The following PTPRR variants were observed in gnomAD, a reference collection of about 807,000 sequenced individuals.
PTPRR encodes the protein protein tyrosine phosphatase receptor type R.
Under a neutral mutation model 77.2 loss-of-function variants are expected in PTPRR, and 38 were observed. The observed-to-expected ratio is 0.49, with a 90% CI of 0.38 to 0.65. PTPRR has a LOEUF of 0.65. Ranked by LOEUF, PTPRR falls within the 30% of genes least tolerant of loss-of-function variation. PTPRR has a pLI of 0.00. For synonymous variants in PTPRR, 299 were observed against 283.1 expected, an observed-to-expected ratio of 1.06 and a Z score of -0.57; for missense variants, 744 against 799.2, an observed-to-expected ratio of 0.93 and a Z score of 0.83.
At chr12:70,727,180 G>T (rs1426128762) in intron 6 of PTPRR, among the ~76,000 whole-genome samples, 8 of 151,862 alleles carry the variant, frequency 5.3e-5, no homozygotes, top group African/African-American at 1.9e-4. Flanking sequence ...TGTCATGGAA[G>T]GATCCTAATT....
chr12:70,657,008 G>C (rs1886609587), intron 12 of PTPRR, among the ~76,000 whole-genome samples, 191 bp from the exon 13 acceptor site: 1 of 151,184 alleles, frequency 6.6e-6, no homozygotes, highest in Non-Finnish European at 1.5e-5. Flanking sequence ...AGTAGGATGA[G>C]AGGGGTGGGG....
chr12:70,856,535 A>T (rs954987143), intron 2 of PTPRR, among the ~76,000 whole-genome samples: 3 of 152,168 alleles, frequency 2.0e-5, no homozygotes, highest in African/African-American at 7.2e-5. Context: ...GGACACAGAA[A>T]GCAACATGTG....
intron 10 of PTPRR, among the ~76,000 whole-genome samples, 198 bp downstream of exon 10, chr12:70,683,929 A>G (rs1887764633): frequency 6.6e-6 from 1 of 152,216 alleles, no homozygotes; most frequent in African/African-American, 2.4e-5. Context: ...TATGCCAAGT[A>G]TATTGACTTG....
At position 70,761,658 on chromosome 12, in the gene PTPRR, A is replaced by G. The variant is rs752675835; in HGVS notation, c.472-32T>C. 8.9e-5 allele frequency: 132 copies of G among 1,488,210 alleles called. No homozygotes were observed. The East Asian group carries it at 3.0e-3, about 34-fold the overall frequency. 92.2% of individuals were successfully genotyped at this position (1,488,210 alleles called of 1,614,324 possible). On this transcript the variant is annotated intron_variant, in intron 3 of 13. Transcript: ENST00000283228. ...AAAGCAGAATATTTGTATTTGTTAT[A>G]GACATTTTAAACAACTTTGGATAAT...
chr12:70,639,508 T>G, intron 13 of PTPRR: 3 of 1,263,090 alleles, frequency 2.4e-6, no homozygotes, highest in Non-Finnish European at 3.0e-6. Context: ...AGGCACGTGA[T>G]TAATTTTTAC....
At chr12:70,756,449 A>G (rs568756512) in intron 4 of PTPRR, among the ~76,000 whole-genome samples, 1 of 152,268 alleles carries the variant, frequency 6.6e-6, no homozygotes, top group East Asian at 1.9e-4. Context: ...AGAGCTCACA[A>G]ATCAAAAGAC....
chr12:70,715,919 A>G (rs1390221387), intron 6 of PTPRR, among the ~76,000 whole-genome samples: 1 of 152,234 alleles, frequency 6.6e-6, no homozygotes, highest in Non-Finnish European at 1.5e-5. Context: ...AAAGACAGGC[A>G]TAGGAAATCA....
intron 2 of PTPRR, among the ~76,000 whole-genome samples, chr12:70,845,440 C>A (rs936721833): frequency 2.0e-5 from 3 of 152,124 alleles, no homozygotes; most frequent in South Asian, 2.1e-4. Context: ...GTTGGAGTCA[C>A]AGTAGGACGC....
intron 8 of PTPRR, among the ~76,000 whole-genome samples, chr12:70,690,313 G>A (rs1888011740): frequency 6.6e-6 from 1 of 152,188 alleles, no homozygotes; most frequent in Admixed American, 6.5e-5. Context: ...GAAAAGAATA[G>A]TATTATCACA....
At chr12:70,886,822 G>A (rs549753642) in intron 2 of PTPRR, among the ~76,000 whole-genome samples, 12 of 152,164 alleles carry the variant, frequency 7.9e-5, no homozygotes, top group African/African-American at 1.7e-4. Flanking sequence ...AAATAGTTAT[G>A]AGCCCCTATA....
intron 4 of PTPRR, among the ~76,000 whole-genome samples, chr12:70,759,173 C>G (rs1023638334): frequency 6.6e-6 from 1 of 152,108 alleles, no homozygotes; most frequent in African/African-American, 2.4e-5. Flanking sequence ...TGGCCTCAAC[C>G]AATCCTCTTC....
intron 2 of PTPRR, among the ~76,000 whole-genome samples, chr12:70,832,601 G>A (rs559011198): frequency 9.9e-5 from 15 of 152,190 alleles, no homozygotes; most frequent in Admixed American, 9.2e-4. Flanking sequence ...ATATTAGAAT[G>A]GTTAAGAGGT....
At chr12:70,894,936 T>C (rs1262402496) in intron 1 of PTPRR, among the ~76,000 whole-genome samples, 1 of 151,726 alleles carries the variant, frequency 6.6e-6, no homozygotes, top group Non-Finnish European at 1.5e-5. Flanking sequence ...TTAGTTTCCA[T>C]TACTATTTCA....
At chr12:70,698,758 C>G (rs1263448746) in intron 7 of PTPRR, among the ~76,000 whole-genome samples, 1 of 152,114 alleles carries the variant, frequency 6.6e-6, no homozygotes, top group Non-Finnish European at 1.5e-5. Flanking sequence ...ATTATCTTTT[C>G]ACACTAATAG....
intron 1 of PTPRR, among the ~76,000 whole-genome samples, chr12:70,898,710 T>C (rs1416648274): frequency 6.7e-6 from 1 of 149,934 alleles, no homozygotes; most frequent in Non-Finnish European, 1.5e-5. Context: ...GAAAAAAGAG[T>C]AAAATAAATG....
At chr12:70,780,628 C>A (rs539958833) in intron 2 of PTPRR, among the ~76,000 whole-genome samples, 90 of 152,064 alleles carry the variant, frequency 5.9e-4, no homozygotes, top group Non-Finnish European at 9.6e-4. Context: ...TATACCTACA[C>A]ATATCATACA....
At chr12:70,828,493 T>C (rs1186861903) in intron 2 of PTPRR, among the ~76,000 whole-genome samples, 1 of 152,226 alleles carries the variant, frequency 6.6e-6, no homozygotes, top group Non-Finnish European at 1.5e-5. Flanking sequence ...ATTAGATGCA[T>C]TTTGGCTTCA....
In PTPRR at chr12:70,759,554, G is replaced by A. The variant is rs1406752662; in HGVS notation, c.627+1917C>T. ...AAATTAGCTGGGCGTGGTGGCAGGCGCCTGTAGTCCCAGCTACTCAGAAGG... is the reference window on the plus strand; with the variant it reads ...AAATTAGCTGGGCGTGGTGGCAGGCACCTGTAGTCCCAGCTACTCAGAAGG... On this transcript the variant is annotated intron_variant, in intron 4 of 13. Transcript: ENST00000283228. Among the ~76,000 whole-genome samples the A allele has an allele frequency of 5.9e-5, 9 of 151,500 alleles. No homozygotes were observed. The East Asian group carries it at 7.8e-4, about 13-fold the overall frequency.
chr12:70,899,375 C>A (rs995104442), intron 1 of PTPRR, among the ~76,000 whole-genome samples: 4 of 151,244 alleles, frequency 2.6e-5, no homozygotes, highest in African/African-American at 9.7e-5. Context: ...ATGCCACTAC[C>A]AAATGGGGCT....
Sources: allele counts gnomAD v4.1 joint callset (sites outside exome capture counted in the v4.1 genomes callset), GRCh38; gene constraint gnomAD v4.1.1; transcripts MANE v1.5; gene names NCBI Gene and HGNC (gene_info 2026-07-23, HGNC 2026-07-21).